Variants in GRK3 observed in about 807,000 individuals in gnomAD.
The protein encoded by GRK3 is G protein-coupled receptor kinase 3, also known as adrenergic, beta, receptor kinase 2.
GRK3 carries 54 observed loss-of-function variants against 95.7 expected under a neutral mutation model. The ratio of observed to expected loss-of-function variants is 0.56; its 90% CI spans 0.45 to 0.71. The LOEUF (loss-of-function observed/expected upper bound fraction) is 0.71, where lower values mean the gene tolerates loss of function less well. GRK3 is among the 30% of genes least tolerant of loss of function. The probability of loss-of-function intolerance (pLI) is 0.00; values close to 1 mark genes in which losing one functional copy is unlikely to be tolerated. For missense variants in GRK3, 649 were observed against 851.2 expected, an observed-to-expected ratio of 0.76 and a Z score of 2.96; for synonymous variants, 281 against 290.8, an observed-to-expected ratio of 0.97 and a Z score of 0.34.
chr22:25,618,988 T>G (rs1412499212), intron 2 of GRK3, among the ~76,000 whole-genome samples: 1 of 152,226 alleles, frequency 6.6e-6, no homozygotes, highest in Non-Finnish European at 1.5e-5. Context: ...GCTTCCTGGC[T>G]GGTCATGGTG....
intron 9 of GRK3, among the ~76,000 whole-genome samples, chr22:25,681,640 A>G (rs956449526): frequency 5.3e-5 from 8 of 152,248 alleles, no homozygotes; most frequent in African/African-American, 1.2e-4. Context: ...GAGAGAGACC[A>G]TAATCAGCCT....
At chr22:25,620,006 T>TTGTGTG (rs56260834) in intron 2 of GRK3, among the ~76,000 whole-genome samples, 3,306 of 90,188 alleles carry the variant, frequency 0.037, 88 homozygotes, top group Middle Eastern at 0.062. Context: ...TTTGTCTTTT[T>TTGTGTG]TGTGTGTGTG....
intron 1 of GRK3, among the ~76,000 whole-genome samples, chr22:25,572,251 C>T (rs1931728573): frequency 6.6e-6 from 1 of 152,142 alleles, no homozygotes; most frequent in Non-Finnish European, 1.5e-5. Context: ...TTAATCCATT[C>T]TATCATTGGT....
intron 10 of GRK3, 76 bp from the exon 11 acceptor site, chr22:25,687,461 G>A (rs2085124871): frequency 6.6e-7 from 1 of 1,523,460 alleles, no homozygotes; most frequent in Non-Finnish European, 9.0e-7. Flanking sequence ...GCTGAGTCCT[G>A]ACTATTTAGG....
intron 2 of GRK3, among the ~76,000 whole-genome samples, chr22:25,622,268 G>A (rs1240339132): frequency 6.6e-6 from 1 of 152,190 alleles, no homozygotes; most frequent in Admixed American, 6.5e-5. Flanking sequence ...TGTGCAGCAG[G>A]TCCTGGAATG....
At position 25,723,781 on chromosome 22, in the gene GRK3, C is replaced by T. The variant is rs1319430950; in HGVS notation, c.*1331C>T. 6.6e-6 allele frequency: 1 copy of T among 152,088 alleles called. No homozygotes were observed. Among genetic ancestry groups the T allele is most frequent in the African/African-American group, 2.4e-5 (1 of 41,408 alleles). The allele number at this position is 152,088 out of a possible 1,614,324, so 9.4% of individuals were successfully genotyped here. A position where few individuals can be genotyped will look rare whatever the true frequency, so the allele number is the denominator to read the frequency against. ...ACTAACAGTATAAATAACTTGACATCGTAATTGTCTGCATCCTGTCCTTGA... is the reference window on the plus strand; with the variant it reads ...ACTAACAGTATAAATAACTTGACATTGTAATTGTCTGCATCCTGTCCTTGA... On this transcript the variant is annotated 3_prime_UTR_variant, in exon 21 of 21. Coordinates refer to ENST00000324198, the MANE Select transcript of GRK3 (RefSeq NM_005160.4).
intron 15 of GRK3, among the ~76,000 whole-genome samples, chr22:25,704,583 G>T (rs1458515154): frequency 6.6e-6 from 1 of 152,134 alleles, no homozygotes; most frequent in Admixed American, 6.5e-5. Flanking sequence ...GCTAATTTTT[G>T]CATTTTTAGT....
chr22:25,570,306 C>T (rs923269804), intron 1 of GRK3, among the ~76,000 whole-genome samples: 1 of 152,154 alleles, frequency 6.6e-6, no homozygotes. Context: ...AATACACCAT[C>T]TCACCCCCCA....
At chr22:25,721,594 G>A (rs938782039) in intron 20 of GRK3, among the ~76,000 whole-genome samples, 197 bp downstream of exon 20, 4 of 152,190 alleles carry the variant, frequency 2.6e-5, no homozygotes, top group African/African-American at 9.7e-5. Flanking sequence ...GCAGGAGGAT[G>A]CAGGTGAAAT....
In GRK3 at chr22:25,564,958, G is replaced by C. The variant is rs1360269577; in HGVS notation, c.-83G>C. 1.3e-5 allele frequency: 4 copies of C among 313,106 alleles called. No individual in the cohort carries two copies. Among genetic ancestry groups the C allele is most frequent in the African/African-American group, 4.7e-5 (2 of 42,940 alleles). 19.4% of individuals were successfully genotyped at this position (313,106 alleles called of 1,614,324 possible). On this transcript the variant is annotated 5_prime_UTR_variant, in exon 1 of 21. Transcript: ENST00000324198. ...TGCCCCGGGGCGGCCCCCCCAGGTC[G>C]GGGCGCGGCGGGCGGCGGCGGCGGG...
Position 25,663,626 on chromosome 22 carries a change from A to G in GRK3, c.367-4A>G, listed in dbSNP as rs755144820. On this transcript the variant is annotated splice_polypyrimidine_tract_variant and splice_region_variant and intron_variant, in intron 4 of 20. Coordinates refer to ENST00000324198, the MANE Select transcript of GRK3 (RefSeq NM_005160.4). ...TTTAAAAATATTATTTTTGACTTTGATAGCCTTTCTCAAAGCAAGCTGTAG... is the reference window on the plus strand; with the variant it reads ...TTTAAAAATATTATTTTTGACTTTGGTAGCCTTTCTCAAAGCAAGCTGTAG... 1.3e-6 allele frequency: 2 copies of G among 1,595,438 alleles called. No individual in the cohort carries two copies. Among genetic ancestry groups the G allele is most frequent in the Non-Finnish European group, 1.7e-6 (2 of 1,169,096 alleles).
chr22:25,588,783 T>G (rs1204433267), intron 1 of GRK3, among the ~76,000 whole-genome samples: 1 of 151,918 alleles, frequency 6.6e-6, no homozygotes, highest in Non-Finnish European at 1.5e-5. Context: ...AATTTTTTTT[T>G]TTTTTTTTTG....
chr22:25,588,107 C>T (rs1369237562), intron 1 of GRK3, among the ~76,000 whole-genome samples: 1 of 152,102 alleles, frequency 6.6e-6, no homozygotes, highest in African/African-American at 2.4e-5. Flanking sequence ...CCTGTTGTAA[C>T]TAATTTAAAG....
At chr22:25,667,898 T>C (rs917588771) in intron 6 of GRK3, 98 bp downstream of exon 6, 2 of 701,898 alleles carry the variant, frequency 2.8e-6, no homozygotes, top group African/African-American at 3.5e-5. Context: ...TGTTAATCAT[T>C]TAGCAAGTAT....
chr22:25,665,440 GA>G lies in GRK3; in HGVS notation c.441+1744del, dbSNP rs1056942641. Reference sequence around the variant, plus strand: ...CTTCCACTATAACATAAATAACATTGAAAAAAAATTGTTCCAGTTGAGATAC... The same window carrying G: ...CTTCCACTATAACATAAATAACATTGAAAAAAATTGTTCCAGTTGAGATAC... On this transcript the variant is annotated intron_variant, in intron 5 of 20. Coordinates refer to ENST00000324198, the MANE Select transcript of GRK3 (RefSeq NM_005160.4). Among the ~76,000 whole-genome samples, 72 of 151,506 alleles carry G rather than the reference GA, an allele frequency of 4.8e-4. 1 individual carries two copies. The highest frequency in any genetic ancestry group is 9.1e-4 in the Non-Finnish European group (62 of 67,846).
intron 1 of GRK3, among the ~76,000 whole-genome samples, chr22:25,586,027 T>G (rs1487402319): frequency 1.3e-5 from 2 of 152,274 alleles, no homozygotes; most frequent in Non-Finnish European, 2.9e-5. Flanking sequence ...TCTATATTCT[T>G]GTGACCAGAA....
At chr22:25,572,315 C>T (rs887524932) in intron 1 of GRK3, among the ~76,000 whole-genome samples, 1 of 152,156 alleles carries the variant, frequency 6.6e-6, no homozygotes, top group Non-Finnish European at 1.5e-5. Context: ...CCGCAATAAA[C>T]ATACGTGTGC....
At chr22:25,621,389 A>C (rs184436079) in intron 2 of GRK3, among the ~76,000 whole-genome samples, 12 of 152,278 alleles carry the variant, frequency 7.9e-5, no homozygotes, top group Non-Finnish European at 1.6e-4. Flanking sequence ...TAGTATATTG[A>C]TTCACATGTT....
At chr22:25,598,781 G>A (rs2084389226) in intron 1 of GRK3, among the ~76,000 whole-genome samples, 1 of 151,838 alleles carries the variant, frequency 6.6e-6, no homozygotes, top group Admixed American at 6.6e-5. Flanking sequence ...TTTGAAAACA[G>A]AACAGAGAGA....
Sources: gnomAD v4.1 joint callset for allele counts (sites outside exome capture counted in the v4.1 genomes callset) on GRCh38, gnomAD v4.1.1 for gene constraint, MANE v1.5 for transcripts, NCBI Gene and HGNC (gene_info 2026-07-23, HGNC 2026-07-21) for gene names.